Variants in ZNF701 observed in about 807,000 individuals in gnomAD.
ZNF701 encodes the protein zinc finger protein 701.
ZNF701 carries 6 observed loss-of-function variants against 7.1 expected under a neutral mutation model. The observed-to-expected ratio is 0.84, with a 90% CI of 0.46 to 1.66. The LOEUF is 1.66. ZNF701 is among the 40% of genes most tolerant of loss of function. ZNF701 has a pLI of 0.01. For synonymous variants in ZNF701, 166 were observed against 188.2 expected (o/e 0.88, Z 0.97); for missense variants, 541 against 559.2 (o/e 0.97, Z 0.33).
intron 3 of ZNF701, among the ~76,000 whole-genome samples, chr19:52,581,747 A>G (rs2059977068): frequency 6.6e-6 from 1 of 152,214 alleles, no homozygotes; most frequent in African/African-American, 2.4e-5. Context: ...AATTCCATTG[A>G]TTTTGATTAT....
chr19:52,575,320 A>G (rs1025232337), intron 2 of ZNF701, among the ~76,000 whole-genome samples: 2 of 137,748 alleles, frequency 1.5e-5, no homozygotes, highest in African/African-American at 3.2e-5. Context: ...CCCCATACAT[A>G]TACACACACA....
chr19:52,573,655 A>G (rs1024772847), intron 1 of ZNF701, among the ~76,000 whole-genome samples: 5 of 151,864 alleles, frequency 3.3e-5, no homozygotes, highest in Non-Finnish European at 7.4e-5. Flanking sequence ...CCAGAGACAC[A>G]CAGACGTGCA....
At chr19:52,590,069 C>G (rs1283765930), downstream of ZNF701, among the ~76,000 whole-genome samples, 2 of 150,584 alleles carry the variant, frequency 1.3e-5, no homozygotes, top group Non-Finnish European at 2.9e-5. Flanking sequence ...GCAGGGATTT[C>G]AGGCATGAGC....
chr19:52,594,626 G>C, the ZNF701 span, among the ~76,000 whole-genome samples: 3 of 151,988 alleles, frequency 2.0e-5, no homozygotes, highest in Non-Finnish European at 4.4e-5. Flanking sequence ...CGATTCTCCT[G>C]CTTCAACCTG....
intron 1 of ZNF701, chr19:52,573,073 T>G (rs1374597468): frequency 5.0e-6 from 1 of 200,496 alleles, no homozygotes; most frequent in Non-Finnish European, 1.0e-5. Flanking sequence ...AGAAACACAC[T>G]TTTTTTCTTT....
intron 2 of ZNF701, 110 bp downstream of exon 2, chr19:52,574,272 C>T: frequency 6.6e-7 from 1 of 1,510,104 alleles, no homozygotes; most frequent in Non-Finnish European, 9.1e-7. Flanking sequence ...CAGGTTTGCT[C>T]ACACTCAACT....
At position 52,577,714 on chromosome 19, in the gene ZNF701, G is replaced by A. The variant is rs2059944525; in HGVS notation, c.142+1693G>A. ...AGGCACCCGTTACTTAGCAGACCGCGAAAGGGGGTCTCCTTTCCTTGGAGG... is the reference window on the plus strand; with the variant it reads ...AGGCACCCGTTACTTAGCAGACCGCAAAAGGGGGTCTCCTTTCCTTGGAGG... On this transcript the variant is annotated intron_variant, in intron 3 of 3. Transcript: ENST00000391785. Among the ~76,000 whole-genome samples, 8 of 152,156 alleles carry A rather than the reference G, an allele frequency of 5.3e-5. No individual in the cohort carries two copies. In the South Asian group the frequency reaches 1.5e-3, roughly 28 times the overall value.
rs2060007441 is a variant in ZNF701, at chr19:52,585,795, G to C, written c.*2338G>C. On this transcript the variant is annotated 3_prime_UTR_variant, in exon 4 of 4. Coordinates refer to ENST00000391785, the MANE Select transcript of ZNF701 (RefSeq NM_018260.3). The stretch of plus-strand genomic sequence containing the variant: ...GGTAAATTGGCCTGAGGCCAGAGCA[G>C]ATGGGTGCCCTATGCAGATGAAGGG... 6.6e-6 allele frequency: 1 copy of C among 152,300 alleles called. No homozygotes were observed. The highest frequency in any genetic ancestry group is 2.4e-5 in the African/African-American group (1 of 41,476). The allele number at this position is 152,300 out of a possible 1,614,324, so 9.4% of individuals were successfully genotyped here. A position where few individuals can be genotyped will look rare whatever the true frequency, so the allele number is the denominator to read the frequency against.
chr19:52,576,731 C>T (rs162827), intron 3 of ZNF701, among the ~76,000 whole-genome samples: 115,720 of 151,864 alleles, frequency 0.76, 44,976 homozygotes, highest in African/African-American at 0.91. Flanking sequence ...CCTAGATCCA[C>T]CTGTAATGTC....
intron 1 of ZNF701, among the ~76,000 whole-genome samples, chr19:52,571,506 G>A (rs1216929620): frequency 6.6e-6 from 1 of 152,108 alleles, no homozygotes; most frequent in African/African-American, 2.4e-5. Context: ...TAAATAAGAC[G>A]TGAGGATGGA....
At chr19:52,589,050 C>T (rs546441254), downstream of ZNF701, among the ~76,000 whole-genome samples, 5 of 152,226 alleles carry the variant, frequency 3.3e-5, no homozygotes, top group Admixed American at 6.5e-5. Flanking sequence ...GGTGACTTCA[C>T]TGCAGATATC....
the ZNF701 span, among the ~76,000 whole-genome samples, chr19:52,592,574 T>C: frequency 6.6e-6 from 1 of 152,162 alleles, no homozygotes; most frequent in Non-Finnish European, 1.5e-5. Flanking sequence ...TGTTTCCAGC[T>C]GCGCTTGTGG....
chr19:52,577,446 T>G (rs1161382004), intron 3 of ZNF701, among the ~76,000 whole-genome samples: 2 of 152,142 alleles, frequency 1.3e-5, no homozygotes, highest in East Asian at 3.9e-4. Flanking sequence ...ATAGTTACAA[T>G]AAGAAGAGTC....
At chr19:52,578,003 C>G (rs1236624930) in intron 3 of ZNF701, among the ~76,000 whole-genome samples, 1 of 151,884 alleles carries the variant, frequency 6.6e-6, no homozygotes, top group African/African-American at 2.4e-5. Flanking sequence ...GCCTGTAATC[C>G]CAGCACTTTA....
intron 2 of ZNF701, among the ~76,000 whole-genome samples, chr19:52,575,142 G>A (rs1022497873): frequency 6.6e-6 from 1 of 152,008 alleles, no homozygotes; most frequent in Non-Finnish European, 1.5e-5. Context: ...GATAATTTTT[G>A]TATTTTTTAG....
At chr19:52,574,226 T>C in intron 2 of ZNF701, 64 bp downstream of exon 2, 3 of 1,592,684 alleles carry the variant, frequency 1.9e-6, no homozygotes, top group Non-Finnish European at 2.6e-6. Flanking sequence ...ATCTTGGAGT[T>C]GGGAATCTTC....
At chr19:52,574,823 G>T (rs1325589041) in intron 2 of ZNF701, among the ~76,000 whole-genome samples, 1 of 152,048 alleles carries the variant, frequency 6.6e-6, no homozygotes, top group African/African-American at 2.4e-5. Context: ...CTGTGGAGAG[G>T]CTTTTGAAAC....
chr19:52,588,846 C>T (rs909796998), downstream of ZNF701, among the ~76,000 whole-genome samples: 3 of 152,128 alleles, frequency 2.0e-5, no homozygotes, highest in Non-Finnish European at 4.4e-5. Flanking sequence ...CAGGGTCAAG[C>T]GATTCTCATG....
chr19:52,572,635 G>A, intron 1 of ZNF701: 1 of 347,900 alleles, frequency 2.9e-6, no homozygotes, highest in Non-Finnish European at 5.6e-6. Context: ...CGGTGAAAAT[G>A]TCCCCGTTCT....
Sources: allele counts gnomAD v4.1 joint callset (sites outside exome capture counted in the v4.1 genomes callset), GRCh38; gene constraint gnomAD v4.1.1; transcripts MANE v1.5; gene names NCBI Gene and HGNC (gene_info 2026-07-23, HGNC 2026-07-21).